The following GLI2 variants were observed in gnomAD, a reference collection of about 807,000 sequenced individuals.
The protein encoded by GLI2 is GLI family zinc finger 2, also known as transcription activator GLI2.
Under a neutral mutation model 78.9 loss-of-function variants are expected in GLI2, and 22 were observed. The ratio of observed to expected loss-of-function variants is 0.28; its 90% CI spans 0.20 to 0.40. The LOEUF is 0.40. Ranked by LOEUF, GLI2 falls within the 10% of genes least tolerant of loss-of-function variation. GLI2 has a pLI of 1.00. For synonymous variants in GLI2, 974 were observed against 963.7 expected, an observed-to-expected ratio of 1.01 and a Z score of -0.20; for missense variants, 2,097 against 2,213.2, an observed-to-expected ratio of 0.95 and a Z score of 1.05.
At chr2:120,930,562 A>G (rs1423553751) in intron 3 of GLI2, among the ~76,000 whole-genome samples, 1 of 152,188 alleles carries the variant, frequency 6.6e-6, no homozygotes, top group Non-Finnish European at 1.5e-5. Flanking sequence ...GCCCTTCGTT[A>G]GGGCACTGCC....
chr2:120,783,942 C>G (rs1683919882), intron 1 of GLI2, among the ~76,000 whole-genome samples: 1 of 152,198 alleles, frequency 6.6e-6, no homozygotes, highest in Admixed American at 6.5e-5. Flanking sequence ...CCAATGAGAT[C>G]TGACTGGCAC....
At chr2:120,984,811 C>T in intron 12 of GLI2, 68 bp downstream of exon 12, 1 of 1,545,352 alleles carries the variant, frequency 6.5e-7, no homozygotes, top group Non-Finnish European at 8.9e-7. Flanking sequence ...CACCCCTTGC[C>T]ACGGTTGCGG....
intron 2 of GLI2, among the ~76,000 whole-genome samples, chr2:120,801,177 C>T (rs1049360948): frequency 3.9e-5 from 6 of 152,168 alleles, no homozygotes; most frequent in Admixed American, 2.6e-4. Flanking sequence ...CTCACTCTGT[C>T]GCCCAGGCTA....
In GLI2 at chr2:120,937,473, A is replaced by T. The variant is rs563204931; in HGVS notation, c.254+10007A>T. Among the ~76,000 whole-genome samples, 386 of 152,262 alleles carry T rather than the reference A, an allele frequency of 2.5e-3. 1 individual carries two copies. Among genetic ancestry groups the T allele is most frequent in the African/African-American group, 8.7e-3 (360 of 41,542 alleles). Reference sequence around the variant, plus strand: ...GGGAGAGGGCAGAAATTGGCCAATGACAGGGTGGTATGCTGGAAGAGGGGG... The same window carrying T: ...GGGAGAGGGCAGAAATTGGCCAATGTCAGGGTGGTATGCTGGAAGAGGGGG... On this transcript the variant is annotated intron_variant, in intron 3 of 13. Transcript: ENST00000361492.
At chr2:120,864,682 C>T (rs1326206477) in intron 2 of GLI2, among the ~76,000 whole-genome samples, 3 of 152,184 alleles carry the variant, frequency 2.0e-5, no homozygotes, top group Non-Finnish European at 4.4e-5. Context: ...CTCTTGACCT[C>T]GTAATCCACC....
intron 3 of GLI2, among the ~76,000 whole-genome samples, chr2:120,945,178 A>G (rs192477918): frequency 9.2e-5 from 14 of 152,342 alleles, no homozygotes; most frequent in African/African-American, 3.4e-4. Flanking sequence ...GGCCAGAACC[A>G]ACATCGGGAA....
intron 4 of GLI2, among the ~76,000 whole-genome samples, chr2:120,954,332 T>C (rs1681136846): frequency 6.6e-6 from 1 of 151,954 alleles, no homozygotes; most frequent in Non-Finnish European, 1.5e-5. Flanking sequence ...ACTTGAGGCA[T>C]GGACAGGGGA....
At chr2:120,922,776 G>A (rs563556000) in intron 2 of GLI2, among the ~76,000 whole-genome samples, 1 of 152,228 alleles carries the variant, frequency 6.6e-6, no homozygotes, top group African/African-American at 2.4e-5. Flanking sequence ...GATTCCAGGG[G>A]GTGAGAGAGG....
At chr2:120,973,910 C>T (rs761590405) in intron 8 of GLI2, among the ~76,000 whole-genome samples, 2 of 152,160 alleles carry the variant, frequency 1.3e-5, no homozygotes, top group South Asian at 2.1e-4. Context: ...CAGAAAGGGA[C>T]TCAGCATTAG....
chr2:120,749,973 C>T (rs1385671081), intron 1 of GLI2, among the ~76,000 whole-genome samples: 1 of 152,218 alleles, frequency 6.6e-6, no homozygotes, highest in South Asian at 2.1e-4. Context: ...TGGAGTTGCT[C>T]TAAGTCCCAA....
chr2:120,986,191 G>A lies in GLI2; in HGVS notation c.1906-87G>A, dbSNP rs191914600. 7.6e-4 allele frequency: 925 copies of A among 1,221,668 alleles called. 5 individuals carry two copies. In the African/African-American group the frequency reaches 0.011, roughly 15 times the overall value. The allele number at this position is 1,221,668 out of a possible 1,614,324, so 75.7% of individuals were successfully genotyped here. A position where few individuals can be genotyped will look rare whatever the true frequency, so the allele number is the denominator to read the frequency against. On this transcript the variant is annotated intron_variant, in intron 12 of 13. Transcript: ENST00000361492. ...CCCTCAGCCCCTCAGGGTGGGCGAG[G>A]GTGTGGTGCCTGTGCAGGCCTAGAG...
rs1292219278 is a variant in GLI2, at chr2:120,737,929, A to C, written c.-31+1644A>C. On this transcript the variant is annotated intron_variant, in intron 1 of 13. Transcript: ENST00000361492. This position sits in a 1 kb window ranked among gnomAD's most constrained non-coding sequence, Gnocchi z 4.3. ...GTTTGTCACAGGCCTCCCTGATGAGACCAGTTTGTTCCAGCCACCTCACCT... is the reference window on the plus strand; with the variant it reads ...GTTTGTCACAGGCCTCCCTGATGAGCCCAGTTTGTTCCAGCCACCTCACCT... 6.6e-6 allele frequency among the ~76,000 whole-genome samples: 1 copy of C among 152,170 alleles called. No homozygotes were observed. The highest frequency in any genetic ancestry group is 1.5e-5 in the Non-Finnish European group (1 of 68,026).
intron 3 of GLI2, among the ~76,000 whole-genome samples, chr2:120,939,954 T>G (rs1680377312): frequency 2.0e-5 from 3 of 152,240 alleles, no homozygotes. Flanking sequence ...GGTGATGGCC[T>G]CTACATTTTA....
At chr2:120,856,780 G>A (rs1172699525) in intron 2 of GLI2, among the ~76,000 whole-genome samples, 1 of 152,148 alleles carries the variant, frequency 6.6e-6, no homozygotes, top group Admixed American at 6.5e-5. Flanking sequence ...GCATTCCTCA[G>A]GGGCGTCTGA....
At chr2:120,968,368 G>T (rs1240597063) in intron 5 of GLI2, among the ~76,000 whole-genome samples, 1 of 152,108 alleles carries the variant, frequency 6.6e-6, no homozygotes, top group African/African-American at 2.4e-5. Context: ...GCTCACTTAT[G>T]ATTCGTGCAC....
chr2:120,742,645 C>T (rs1682582511), intron 1 of GLI2, among the ~76,000 whole-genome samples: 1 of 142,682 alleles, frequency 7.0e-6, no homozygotes, highest in East Asian at 2.0e-4. Context: ...AAATCCTTTT[C>T]CATCTCACCA....
At chr2:120,789,426 G>T (rs1048231915) in intron 1 of GLI2, among the ~76,000 whole-genome samples, 2 of 152,044 alleles carry the variant, frequency 1.3e-5, no homozygotes, top group African/African-American at 2.4e-5. Context: ...AGACCCTGGA[G>T]TGCTCTTCCC....
intron 2 of GLI2, among the ~76,000 whole-genome samples, chr2:120,819,833 C>G (rs892923062): frequency 6.6e-6 from 1 of 152,126 alleles, no homozygotes; most frequent in Non-Finnish European, 1.5e-5. Flanking sequence ...AGTGTGGTAA[C>G]GACTCCAAGA....
intron 2 of GLI2, among the ~76,000 whole-genome samples, chr2:120,817,002 C>T (rs1449315286): frequency 2.0e-5 from 3 of 152,150 alleles, no homozygotes; most frequent in Non-Finnish European, 1.5e-5. Flanking sequence ...TTTTGTATAA[C>T]CGTGCATCAG....
Sources: allele counts gnomAD v4.1 joint callset (sites outside exome capture counted in the v4.1 genomes callset), GRCh38; gene constraint gnomAD v4.1.1; non-coding constraint Gnocchi (gnomAD v3.1); transcripts MANE v1.5; gene names NCBI Gene and HGNC (gene_info 2026-07-23, HGNC 2026-07-21).